RGS7: variants seen among roughly 807,000 people sequenced by gnomAD.
RGS7 encodes regulator of G-protein signaling 7.
Under a neutral mutation model 81.1 loss-of-function variants are expected in RGS7, and 27 were observed. The ratio of observed to expected loss-of-function variants is 0.33; its 90% CI spans 0.25 to 0.46. The LOEUF is 0.46. Ranked by LOEUF, RGS7 falls within the 20% of genes least tolerant of loss-of-function variation. RGS7 has a pLI of 1.00. For synonymous variants in RGS7, 208 were observed against 207.7 expected (o/e 1.00, Z -0.01); for missense variants, 396 against 607.4 (o/e 0.65, Z 3.66).
rs189572911 is a variant in RGS7 at position 241,148,321 on chromosome 1, G to C, written c.79-49559C>G. ...CCACCTCGGCCTTCCAAAGTGCTGGGATTACAGGCATGAGCCACCATGACT... is the reference window on the plus strand; with the variant it reads ...CCACCTCGGCCTTCCAAAGTGCTGGCATTACAGGCATGAGCCACCATGACT... On this transcript the variant is annotated intron_variant, in intron 2 of 18. Coordinates refer to ENST00000440928, the MANE Select transcript of RGS7 (RefSeq NM_001364886.1). Among the ~76,000 whole-genome samples the C allele has an allele frequency of 1.4e-4, 21 of 152,116 alleles. No homozygotes were observed. In the East Asian group the frequency reaches 4.1e-3, roughly 29 times the overall value.
chr1:241,308,844 C>T (rs1462255446), intron 2 of RGS7, among the ~76,000 whole-genome samples: 1 of 152,042 alleles, frequency 6.6e-6, no homozygotes, highest in Non-Finnish European at 1.5e-5. Flanking sequence ...CACAGTTTTT[C>T]CCCCCAAAAT....
intron 2 of RGS7, among the ~76,000 whole-genome samples, chr1:241,291,564 TC>T (rs1483199344): frequency 8.0e-6 from 1 of 125,400 alleles, no homozygotes; most frequent in Non-Finnish European, 1.7e-5. Flanking sequence ...CTCAGAGAAT[TC>T]CCAGCTTTTT....
intron 1 of RGS7, among the ~76,000 whole-genome samples, chr1:241,356,143 G>A (rs1001496466): frequency 6.7e-6 from 1 of 149,846 alleles, no homozygotes; most frequent in Non-Finnish European, 1.5e-5. Context: ...CTAGTACAGA[G>A]TTCTCTTCTC....
At chr1:240,879,993 A>G (rs531896755) in intron 6 of RGS7, among the ~76,000 whole-genome samples, 24 of 152,274 alleles carry the variant, frequency 1.6e-4, no homozygotes, top group African/African-American at 5.8e-4. Context: ...TATTTGCTGA[A>G]ATTATTTTAT....
At chr1:241,299,928 G>A (rs1425824723) in intron 2 of RGS7, among the ~76,000 whole-genome samples, 1 of 51,822 alleles carries the variant, frequency 1.9e-5, no homozygotes, top group Non-Finnish European at 3.4e-5. Context: ...CAGATACCTC[G>A]TTTCTCCAAA....
At chr1:241,076,203 G>T (rs557822489) in intron 3 of RGS7, among the ~76,000 whole-genome samples, 1 of 151,902 alleles carries the variant, frequency 6.6e-6, no homozygotes, top group African/African-American at 2.4e-5. Context: ...TACGTTTCTC[G>T]AATGGAGCCT....
intron 2 of RGS7, among the ~76,000 whole-genome samples, chr1:241,347,371 G>A (rs142217673): frequency 2.2e-4 from 34 of 152,184 alleles, no homozygotes; most frequent in African/African-American, 7.7e-4. Context: ...TCTGACTCGC[G>A]GTCCTTTGAC....
chr1:241,063,607 C>T (rs2061863051), intron 3 of RGS7, among the ~76,000 whole-genome samples: 1 of 152,188 alleles, frequency 6.6e-6, no homozygotes, highest in Admixed American at 6.5e-5. Flanking sequence ...TTCCTGCTTT[C>T]ACCGGCTTTT....
intron 6 of RGS7, among the ~76,000 whole-genome samples, chr1:240,873,831 A>C (rs780654299): frequency 1.3e-5 from 2 of 152,212 alleles, no homozygotes; most frequent in Non-Finnish European, 1.5e-5. Context: ...CCCAGCTTAC[A>C]ACCCAGGTAA....
chr1:241,017,883 T>C (rs915322681), intron 3 of RGS7, among the ~76,000 whole-genome samples: 7 of 152,182 alleles, frequency 4.6e-5, no homozygotes, highest in Non-Finnish European at 1.5e-5. Flanking sequence ...ATGGTAATCA[T>C]AGTTATTTTA....
At chr1:241,017,079 T>C (rs895103459) in intron 3 of RGS7, among the ~76,000 whole-genome samples, 18 of 152,218 alleles carry the variant, frequency 1.2e-4, no homozygotes, top group Admixed American at 9.8e-4. Context: ...TCTGTACTCG[T>C]TTATTACAAG....
At chr1:241,341,516 T>C (rs1465586541) in intron 2 of RGS7, among the ~76,000 whole-genome samples, 3 of 151,744 alleles carry the variant, frequency 2.0e-5, no homozygotes, top group African/African-American at 7.3e-5. Flanking sequence ...TCCTTTAAAC[T>C]ATTAGGATTG....
intron 3 of RGS7, among the ~76,000 whole-genome samples, chr1:240,993,638 C>A (rs986201796): frequency 1.3e-5 from 2 of 151,306 alleles, no homozygotes; most frequent in Non-Finnish European, 2.9e-5. Context: ...CAGATAATTT[C>A]TTTTACTCTG....
rs115780377 is a variant in RGS7 at position 241,295,927 on chromosome 1, T to C, written c.78+59772A>G. 7.9e-3 allele frequency among the ~76,000 whole-genome samples: 1,210 copies of C among 152,290 alleles called. 19 individuals are homozygous for C. The highest frequency in any genetic ancestry group is 0.028 in the African/African-American group (1,164 of 41,552). ...GGAGAAGACAGGACTGAAGAAGGCT[T>C]TGAAGGCTAGATTCTGGGTGATGAA... On this transcript the variant is annotated intron_variant, in intron 2 of 18. Transcript: ENST00000440928.
chr1:241,208,344 T>A (rs2074043239), intron 2 of RGS7, among the ~76,000 whole-genome samples: 1 of 152,130 alleles, frequency 6.6e-6, no homozygotes, highest in Non-Finnish European at 1.5e-5. Context: ...ACGCCAGGCT[T>A]AGTAATGCAC....
intron 6 of RGS7, among the ~76,000 whole-genome samples, chr1:240,904,329 C>G (rs904084837): frequency 6.6e-6 from 1 of 152,176 alleles, no homozygotes; most frequent in African/African-American, 2.4e-5. Flanking sequence ...TTAAAGTGCA[C>G]TCTGCTGCAT....
At chr1:241,265,532 A>T (rs1558252518) in intron 2 of RGS7, among the ~76,000 whole-genome samples, 1 of 152,186 alleles carries the variant, frequency 6.6e-6, no homozygotes, top group Non-Finnish European at 1.5e-5. Context: ...TAACCACAGG[A>T]TGCAGCCTCC....
At chr1:241,128,169 A>C (rs1277915727) in intron 2 of RGS7, among the ~76,000 whole-genome samples, 2 of 151,638 alleles carry the variant, frequency 1.3e-5, no homozygotes, top group Non-Finnish European at 1.5e-5. Context: ...CCCAGCTACT[A>C]GGGAGGCTGA....
chr1:241,099,012 C>T (rs2064512316), intron 2 of RGS7, among the ~76,000 whole-genome samples: 1 of 152,172 alleles, frequency 6.6e-6, no homozygotes, highest in Non-Finnish European at 1.5e-5. Context: ...TATTGCCTTT[C>T]TCCTGATTTC....
Sources: gnomAD v4.1 joint callset for allele counts (sites outside exome capture counted in the v4.1 genomes callset) on GRCh38, gnomAD v4.1.1 for gene constraint, MANE v1.5 for transcripts, NCBI Gene and HGNC (gene_info 2026-07-23, HGNC 2026-07-21) for gene names.